DENND2B: variants seen among roughly 807,000 people sequenced by gnomAD.
DENND2B encodes DENN domain-containing protein 2B.
Under a neutral mutation model 116.0 loss-of-function variants are expected in DENND2B, and 32 were observed. That is an observed-to-expected ratio of 0.28 (90% confidence interval 0.21 to 0.37). DENND2B has a LOEUF of 0.37. Ranked by LOEUF, DENND2B falls within the 10% of genes least tolerant of loss-of-function variation. DENND2B has a pLI of 1.00. For missense variants in DENND2B, 1,276 were observed against 1,477.7 expected (o/e 0.86, Z 2.24); for synonymous variants, 588 against 583.9 (o/e 1.01, Z -0.10).
intron 3 of DENND2B, among the ~76,000 whole-genome samples, 170 bp downstream of exon 3, chr11:8,729,780 C>A (rs1383549481): frequency 1.3e-5 from 2 of 151,844 alleles, no homozygotes; most frequent in Admixed American, 6.6e-5. Context: ...CTTGTAAGAG[C>A]AGAACAATCT....
intron 3 of DENND2B, among the ~76,000 whole-genome samples, chr11:8,849,488 CTCAA>C (rs2062928674): frequency 1.0e-4 from 4 of 40,178 alleles, no homozygotes; most frequent in Non-Finnish European, 1.4e-4. Context: ...GCTAGACTGT[CTCAA>C]AAAAAAAAAA....
At chr11:8,735,477 G>A (rs2048859817) in intron 2 of DENND2B, among the ~76,000 whole-genome samples, 2 of 152,234 alleles carry the variant, frequency 1.3e-5, no homozygotes, top group South Asian at 2.1e-4. Flanking sequence ...AAGTTTTGGG[G>A]TGATTTGCTC....
intron 1 of DENND2B, chr11:8,774,426 G>T: frequency 1.4e-6 from 1 of 700,974 alleles, no homozygotes; most frequent in Non-Finnish European, 1.8e-6. Flanking sequence ...ACTGCCATTA[G>T]CTGAATGACT....
In DENND2B at chr11:8,702,944, A is replaced by G. The variant is rs186669233; in HGVS notation, c.2572-224T>C. The G allele has an allele frequency of 3.5e-6, 2 of 563,496 alleles. No homozygotes were observed. The highest frequency in any genetic ancestry group is 2.4e-5 in the South Asian group (1 of 41,646). 34.9% of individuals were successfully genotyped at this position (563,496 alleles called of 1,614,324 possible). ...CTGTGGGCAAGAGGGCTGCCTGTGA[A>G]AGCGGGGAAGGCTCCAGAAGGAAGG... On this transcript the variant is annotated intron_variant, in intron 13 of 19. Coordinates refer to ENST00000313726, the MANE Select transcript of DENND2B (RefSeq NM_213618.2). This position sits in a 1 kb window ranked among gnomAD's most constrained non-coding sequence, Gnocchi z 4.6.
intron 1 of DENND2B, among the ~76,000 whole-genome samples, chr11:8,752,116 G>A (rs1042972302): frequency 5.3e-5 from 8 of 152,134 alleles, no homozygotes; most frequent in African/African-American, 1.9e-4. Context: ...GTGTACCTTC[G>A]TGTATAATAT....
intron 1 of DENND2B, among the ~76,000 whole-genome samples, chr11:8,797,289 A>C (rs2059900604): frequency 6.6e-6 from 1 of 152,220 alleles, no homozygotes; most frequent in Non-Finnish European, 1.5e-5. Flanking sequence ...TCTTACCGCT[A>C]ACCTAAAATC....
intron 2 of DENND2B, among the ~76,000 whole-genome samples, chr11:8,733,447 G>C (rs2048442506): frequency 6.6e-6 from 1 of 152,186 alleles, no homozygotes; most frequent in African/African-American, 2.4e-5. Context: ...CTCTGTGCTA[G>C]GCCTGTTCTA....
intron 1 of DENND2B, among the ~76,000 whole-genome samples, chr11:8,760,118 AC>A (rs765631628): frequency 6.6e-6 from 1 of 152,098 alleles, no homozygotes; most frequent in Non-Finnish European, 1.5e-5. Flanking sequence ...TCTCTGCCTA[AC>A]CTCCCGACAG....
At chr11:8,849,062 ATT>A (rs78636339) in intron 3 of DENND2B, among the ~76,000 whole-genome samples, 1 of 150,912 alleles carries the variant, frequency 6.6e-6, no homozygotes, top group Non-Finnish European at 1.5e-5. Flanking sequence ...AAATGATGTA[ATT>A]TTTTTTTTCC....
At chr11:8,907,660 A>C (rs750703464) in intron 1 of DENND2B, among the ~76,000 whole-genome samples, 1 of 152,122 alleles carries the variant, frequency 6.6e-6, no homozygotes, top group African/African-American at 2.4e-5. Flanking sequence ...ACATTCATTA[A>C]AGTTCATGTA....
chr11:8,741,873 C>T (rs2050271410), intron 2 of DENND2B, among the ~76,000 whole-genome samples: 1 of 152,100 alleles, frequency 6.6e-6, no homozygotes, highest in African/African-American at 2.4e-5. Flanking sequence ...CTGAGCCCCA[C>T]CACAAGCCTT....
chr11:8,711,938 G>A (rs184515080), intron 9 of DENND2B: 1 of 455,076 alleles, frequency 2.2e-6, no homozygotes, highest in Middle Eastern at 3.4e-4. Context: ...GCTCCATGCA[G>A]GTGTCTGGAC....
chr11:8,899,256 C>G (rs1039236294), intron 1 of DENND2B, among the ~76,000 whole-genome samples: 1 of 151,358 alleles, frequency 6.6e-6, no homozygotes, highest in African/African-American at 2.4e-5. Context: ...TAAGGAGAGT[C>G]CCAGAAAAAG....
At chr11:8,774,007 G>T in intron 1 of DENND2B, 1 of 611,612 alleles carries the variant, frequency 1.6e-6, no homozygotes, top group Non-Finnish European at 2.0e-6. Flanking sequence ...AGCTTTGGAT[G>T]TGTTGCCTAC....
chr11:8,707,966 AG>A lies in DENND2B; in HGVS notation c.2353-113del. ...GGAGTAAGGACTGCCCTTCTAGTGG[AG>A]GAAGACTTTAAGCCTCCTCTAAACC... On this transcript the variant is annotated intron_variant, in intron 11 of 19. Coordinates refer to ENST00000313726, the MANE Select transcript of DENND2B (RefSeq NM_213618.2). This position sits in a 1 kb window ranked among gnomAD's most constrained non-coding sequence, Gnocchi z 4.8. The A allele has an allele frequency of 1.3e-6, 2 of 1,536,460 alleles. No individual in the cohort carries two copies. Among genetic ancestry groups the A allele is most frequent in the Non-Finnish European group, 1.7e-6 (2 of 1,145,544 alleles).
chr11:8,727,712 A>G (rs2047314677), intron 3 of DENND2B, among the ~76,000 whole-genome samples: 1 of 152,214 alleles, frequency 6.6e-6, no homozygotes, highest in South Asian at 2.1e-4. Context: ...GCCCAGGACC[A>G]GAGTTAGTGT....
chr11:8,877,926 TAAAC>T (rs1031525896), intron 2 of DENND2B, among the ~76,000 whole-genome samples: 1 of 152,172 alleles, frequency 6.6e-6, no homozygotes, highest in South Asian at 2.1e-4. Context: ...AAGGCATTAA[TAAAC>T]AACTACTCAA....
chr11:8,792,338 T>A (rs2059454123), intron 1 of DENND2B, among the ~76,000 whole-genome samples: 1 of 152,172 alleles, frequency 6.6e-6, no homozygotes, highest in South Asian at 2.1e-4. Context: ...TTTTTGTGAT[T>A]CTGACAAGTG....
chr11:8,783,295 C>A (rs1282696345), intron 1 of DENND2B, among the ~76,000 whole-genome samples: 3 of 152,182 alleles, frequency 2.0e-5, no homozygotes, highest in Non-Finnish European at 4.4e-5. Flanking sequence ...CTCAAGCAAT[C>A]CTCCTGCTTT....
Sources: gnomAD v4.1 joint callset for allele counts (sites outside exome capture counted in the v4.1 genomes callset) on GRCh38, gnomAD v4.1.1 for gene constraint, Gnocchi (gnomAD v3.1) non-coding constraint, MANE v1.5 for transcripts, NCBI Gene and HGNC (gene_info 2026-07-23, HGNC 2026-07-21) for gene names.